PTPRD: variants seen among roughly 807,000 people sequenced by gnomAD.
PTPRD encodes the protein protein tyrosine phosphatase receptor type D.
Under a neutral mutation model 214.5 loss-of-function variants are expected in PTPRD, and 34 were observed. That is an observed-to-expected ratio of 0.16 (90% confidence interval 0.12 to 0.21). The LOEUF is 0.21. PTPRD is among the 10% of genes least tolerant of loss of function. PTPRD has a pLI of 1.00. For missense variants in PTPRD, 2,545 were observed against 2,398.7 expected (o/e 1.06, Z -1.27); for synonymous variants, 1,128 against 845.7 (o/e 1.33, Z -5.79).
intron 14 of PTPRD, among the ~76,000 whole-genome samples, chr9:8,545,736 G>A (rs955810626): frequency 1.3e-5 from 2 of 152,110 alleles, no homozygotes; most frequent in African/African-American, 4.8e-5. Context: ...AAGTTCAAAT[G>A]GTGTTTAAAA....
chr9:9,779,865 T>G (rs1470530817), intron 5 of PTPRD, among the ~76,000 whole-genome samples: 1 of 152,142 alleles, frequency 6.6e-6, no homozygotes, highest in Non-Finnish European at 1.5e-5. Context: ...TCAAAAAACT[T>G]AAAATAGAGC....
chr9:9,549,553 A>G (rs2079674789), intron 8 of PTPRD, among the ~76,000 whole-genome samples: 1 of 152,122 alleles, frequency 6.6e-6, no homozygotes, highest in African/African-American at 2.4e-5. Context: ...TTAAACTTAA[A>G]CAGTCGCTAT....
At chr9:9,461,879 G>C (rs1374737027) in intron 8 of PTPRD, among the ~76,000 whole-genome samples, 2 of 152,016 alleles carry the variant, frequency 1.3e-5, no homozygotes, top group African/African-American at 4.8e-5. Context: ...TGATCCTTCA[G>C]GTCTCAATTT....
At chr9:10,478,000 G>T (rs565772903) in intron 2 of PTPRD, among the ~76,000 whole-genome samples, 51 of 151,742 alleles carry the variant, frequency 3.4e-4, no homozygotes, top group African/African-American at 1.2e-3. Context: ...CAAGGGGAGG[G>T]AGAGCATTAG....
intron 35 of PTPRD, among the ~76,000 whole-genome samples, chr9:8,429,366 T>C (rs947084869): frequency 1.3e-5 from 2 of 152,170 alleles, no homozygotes; most frequent in Admixed American, 6.5e-5. Flanking sequence ...ACCTCTATGA[T>C]GGGAGAGTGA....
At chr9:8,907,853 C>G (rs925660538) in intron 11 of PTPRD, among the ~76,000 whole-genome samples, 2 of 151,792 alleles carry the variant, frequency 1.3e-5, no homozygotes, top group East Asian at 3.9e-4. Context: ...ATATGAGTCC[C>G]AGAAGAAAAA....
intron 10 of PTPRD, among the ~76,000 whole-genome samples, chr9:9,074,703 T>A (rs2099748507): frequency 6.6e-6 from 1 of 152,066 alleles, no homozygotes; most frequent in African/African-American, 2.4e-5. Context: ...CATTTTTAAA[T>A]CAGATGATTA....
Position 10,573,651 on chromosome 9 carries a change from T to A in PTPRD, c.-600+38747A>T, listed in dbSNP as rs187427229. The stretch of plus-strand genomic sequence containing the variant: ...GGCTGAAGGGGGAGGAAGCTGGGAA[T>A]CCTGCACGGGGCTACAGCGCACCTG... On this transcript the variant is annotated intron_variant, in intron 2 of 45. Coordinates refer to ENST00000381196, the MANE Select transcript of PTPRD (RefSeq NM_002839.4). Among the ~76,000 whole-genome samples, 149 of 152,188 alleles carry A rather than the reference T, an allele frequency of 9.8e-4. 1 individual carries two copies. The highest frequency in any genetic ancestry group is 1.9e-3 in the Non-Finnish European group (131 of 68,008).
At chr9:8,757,822 T>G (rs2094131269) in intron 11 of PTPRD, among the ~76,000 whole-genome samples, 1 of 152,122 alleles carries the variant, frequency 6.6e-6, no homozygotes, top group African/African-American at 2.4e-5. Context: ...ATTAAACCTT[T>G]GCCATCAAAA....
At chr9:9,644,068 T>C (rs193286909) in intron 7 of PTPRD, among the ~76,000 whole-genome samples, 13 of 152,318 alleles carry the variant, frequency 8.5e-5, no homozygotes, top group South Asian at 6.2e-4. Context: ...CTCAAAGTTT[T>C]TTTTCTGTAC....
intron 3 of PTPRD, among the ~76,000 whole-genome samples, chr9:10,130,602 C>T (rs1161619874): frequency 6.6e-6 from 1 of 152,080 alleles, no homozygotes; most frequent in African/African-American, 2.4e-5. Flanking sequence ...AAAGGTCTGT[C>T]TTCTGAGCAT....
rs556218926 is a variant in PTPRD, at chr9:10,264,003, C to T, written c.-545+76960G>A. 4.6e-5 allele frequency among the ~76,000 whole-genome samples: 7 copies of T among 152,290 alleles called. No homozygotes were observed. The South Asian group carries it at 1.4e-3, about 32-fold the overall frequency. On this transcript the variant is annotated intron_variant, in intron 3 of 45. Transcript: ENST00000381196. Reference sequence around the variant, plus strand: ...GCTTCAGAGGGTGCAAGCCCCAAGGCTTGGCAGCTTCCACAGGGTGCTGAG... The same window carrying T: ...GCTTCAGAGGGTGCAAGCCCCAAGGTTTGGCAGCTTCCACAGGGTGCTGAG...
At chr9:9,461,730 A>G (rs2093673425) in intron 8 of PTPRD, among the ~76,000 whole-genome samples, 1 of 152,124 alleles carries the variant, frequency 6.6e-6, no homozygotes, top group Admixed American at 6.6e-5. Flanking sequence ...TTAGGAATTT[A>G]TGGGCCAGAT....
intron 10 of PTPRD, among the ~76,000 whole-genome samples, chr9:9,036,859 A>G (rs2099623551): frequency 6.6e-6 from 1 of 152,188 alleles, no homozygotes; most frequent in South Asian, 2.1e-4. Flanking sequence ...AAGTTTTGAC[A>G]GGAACAAAGC....
intron 10 of PTPRD, among the ~76,000 whole-genome samples, chr9:9,172,778 G>A (rs73641226): frequency 6.6e-6 from 1 of 151,986 alleles, no homozygotes; most frequent in African/African-American, 2.4e-5. Context: ...CCATTTCTCT[G>A]ACTCCCAAAG....
At chr9:9,684,002 T>C (rs1356651506) in intron 7 of PTPRD, among the ~76,000 whole-genome samples, 1 of 151,626 alleles carries the variant, frequency 6.6e-6, no homozygotes, top group Non-Finnish European at 1.5e-5. Flanking sequence ...CAGTGAGGGC[T>C]TCTTTGTAGC....
intron 5 of PTPRD, among the ~76,000 whole-genome samples, chr9:9,888,525 T>C (rs541638829): frequency 3.9e-5 from 6 of 152,200 alleles, no homozygotes; most frequent in African/African-American, 1.2e-4. Context: ...CTCAAAGTAA[T>C]GAGTGAGATC....
At chr9:9,656,314 T>C (rs540437195) in intron 7 of PTPRD, among the ~76,000 whole-genome samples, 4 of 152,300 alleles carry the variant, frequency 2.6e-5, no homozygotes, top group African/African-American at 4.8e-5. Flanking sequence ...CCTACACAGA[T>C]GCTTAGGGGA....
intron 10 of PTPRD, among the ~76,000 whole-genome samples, chr9:9,127,938 C>G (rs2154472217): frequency 6.6e-6 from 1 of 152,302 alleles, no homozygotes; most frequent in South Asian, 2.1e-4. Flanking sequence ...CTACAAGGTA[C>G]CCCAAGCTCT....
Sources: gnomAD v4.1 joint callset for allele counts (sites outside exome capture counted in the v4.1 genomes callset) on GRCh38, gnomAD v4.1.1 for gene constraint, MANE v1.5 for transcripts, NCBI Gene and HGNC (gene_info 2026-07-23, HGNC 2026-07-21) for gene names.